Variants in FBN2 observed in about 807,000 individuals in gnomAD.
FBN2 encodes fibrillin 2.
Under a neutral mutation model 355.6 loss-of-function variants are expected in FBN2, and 105 were observed. That is an observed-to-expected ratio of 0.30 (90% CI 0.25 to 0.35). FBN2 has a LOEUF of 0.35. Among genes scored for constraint, FBN2 ranks in the 10% least tolerant of loss-of-function variants. The pLI, the probability that FBN2 is intolerant of heterozygous loss-of-function variation, is 1.00. For missense variants in FBN2, 3,280 were observed against 3,758.7 expected, an observed-to-expected ratio of 0.87 and a Z score of 3.33; for synonymous variants, 1,350 against 1,301.2, an observed-to-expected ratio of 1.04 and a Z score of -0.81.
rs566011724 is a variant in FBN2 at position 128,345,114 on chromosome 5, C to T, written c.3217+243G>A. Among the ~76,000 whole-genome samples, 10 of 152,346 alleles carry T rather than the reference C, an allele frequency of 6.6e-5. 1 individual carries two copies. The South Asian group carries it at 2.1e-3, about 32-fold the overall frequency. ...GCTACAGATGTAGCTATCAGGGCGA[C>T]ATCTCCGGTTGCAGAGGAACAAAGA... On this transcript the variant is annotated intron_variant, in intron 24 of 64. Transcript: ENST00000262464.
chr5:128,298,476 A>G (rs1284660739), intron 48 of FBN2, among the ~76,000 whole-genome samples: 13 of 150,584 alleles, frequency 8.6e-5, no homozygotes, highest in Admixed American at 2.7e-4. Flanking sequence ...AGGTACACCA[A>G]TCAGACGTAG....
At chr5:128,313,866 A>C (rs1451383111) in intron 36 of FBN2, among the ~76,000 whole-genome samples, 4 of 151,424 alleles carry the variant, frequency 2.6e-5, no homozygotes, top group East Asian at 3.9e-4. Context: ...AAAAAAAAAA[A>C]AAAAAAAAAA....
chr5:128,477,924 G>A (rs543825295), intron 5 of FBN2, among the ~76,000 whole-genome samples: 3 of 152,272 alleles, frequency 2.0e-5, no homozygotes, highest in African/African-American at 7.2e-5. Flanking sequence ...GTTTTATTCA[G>A]TTGATAAATT....
intron 7 of FBN2, among the ~76,000 whole-genome samples, chr5:128,428,715 A>G (rs769411355): frequency 1.3e-5 from 2 of 152,202 alleles, no homozygotes; most frequent in Non-Finnish European, 2.9e-5. Flanking sequence ...TATAATGTAG[A>G]CTTTATGAAA....
intron 4 of FBN2, among the ~76,000 whole-genome samples, chr5:128,525,931 A>G (rs183067763): frequency 3.9e-5 from 6 of 152,292 alleles, no homozygotes; most frequent in South Asian, 2.1e-4. Flanking sequence ...CATATTATCT[A>G]TGGTCACTTC....
chr5:128,377,464 C>T (rs537199846), intron 13 of FBN2, among the ~76,000 whole-genome samples: 6 of 151,776 alleles, frequency 4.0e-5, no homozygotes, highest in African/African-American at 1.2e-4. Flanking sequence ...AGAATAACTG[C>T]GACTTACAAT....
intron 6 of FBN2, among the ~76,000 whole-genome samples, chr5:128,463,725 T>C (rs977379334): frequency 6.6e-6 from 1 of 152,182 alleles, no homozygotes; most frequent in African/African-American, 2.4e-5. Context: ...CCAGGCTTGC[T>C]ACAATGTAAG....
At chr5:128,261,534 T>C (rs1249870230) in intron 64 of FBN2, among the ~76,000 whole-genome samples, 1 of 152,250 alleles carries the variant, frequency 6.6e-6, no homozygotes, top group Non-Finnish European at 1.5e-5. Context: ...AATCTTAAAG[T>C]CTTTTCTCCC....
intron 7 of FBN2, among the ~76,000 whole-genome samples, chr5:128,411,432 G>C (rs1347981442): frequency 6.6e-6 from 1 of 152,194 alleles, no homozygotes; most frequent in African/African-American, 2.4e-5. Context: ...GTGGGATGGG[G>C]AGGTGGAAAG....
chr5:128,383,296 A>ATT (rs1752281591), intron 11 of FBN2, among the ~76,000 whole-genome samples: 2 of 152,056 alleles, frequency 1.3e-5, no homozygotes, highest in Admixed American at 6.6e-5. Context: ...ATACTACAAA[A>ATT]AATAAACTTC....
chr5:128,456,012 A>AC lies in FBN2; in HGVS notation c.826+8711_826+8712insG, dbSNP rs1203918216. On this transcript the variant is annotated intron_variant, in intron 6 of 64. Transcript: ENST00000262464. ...CAACAAAAAAAAAAAAAAAAAAAAA[A>AC]AAAAAAAAAAAGCAACTGCTGAACA... Among the ~76,000 whole-genome samples the AC allele has an allele frequency of 3.4e-5, 5 of 147,040 alleles. No homozygotes were observed. In the South Asian group the frequency reaches 8.8e-4, roughly 26 times the overall value.
chr5:128,489,115 C>A (rs1264230967), intron 5 of FBN2, among the ~76,000 whole-genome samples: 1 of 125,130 alleles, frequency 8.0e-6, no homozygotes, highest in Admixed American at 7.2e-5. Flanking sequence ...ACAGTCCCAC[C>A]AACAGTGTAA....
chr5:128,312,541 C>T (rs1009357522), intron 37 of FBN2, 93 bp downstream of exon 37: 3 of 1,442,286 alleles, frequency 2.1e-6, no homozygotes, highest in Non-Finnish European at 2.9e-6. Flanking sequence ...TTTGTCCTCA[C>T]TAAACACTCC....
intron 5 of FBN2, among the ~76,000 whole-genome samples, chr5:128,510,488 C>T (rs1241722775): frequency 6.6e-6 from 1 of 152,128 alleles, no homozygotes; most frequent in African/African-American, 2.4e-5. Context: ...GCTTAGTGTC[C>T]AATATCATGA....
intron 11 of FBN2, among the ~76,000 whole-genome samples, chr5:128,380,192 G>C (rs548610793): frequency 6.6e-6 from 1 of 152,018 alleles, no homozygotes; most frequent in Non-Finnish European, 1.5e-5. Flanking sequence ...CCAAAGGAAC[G>C]AAGCAAAATG....
intron 6 of FBN2, among the ~76,000 whole-genome samples, chr5:128,461,711 T>C (rs962433589): frequency 1.3e-5 from 2 of 152,166 alleles, no homozygotes; most frequent in Admixed American, 6.5e-5. Flanking sequence ...GGGACATGTA[T>C]GAAGCTGGAA....
At chr5:128,449,367 T>C (rs1181635795) in intron 6 of FBN2, among the ~76,000 whole-genome samples, 1 of 134,742 alleles carries the variant, frequency 7.4e-6, no homozygotes, top group Non-Finnish European at 1.6e-5. Flanking sequence ...TAGTATACTG[T>C]ATAATTTATA....
chr5:128,302,150 G>C (rs939783500), intron 46 of FBN2, among the ~76,000 whole-genome samples: 3 of 152,116 alleles, frequency 2.0e-5, no homozygotes, highest in Admixed American at 6.6e-5. Context: ...GAAAAATAAA[G>C]AAAACAGAGA....
chr5:128,318,160 A>C lies in FBN2; in HGVS notation c.4706T>G (p.Val1569Gly). The C allele has an allele frequency of 6.2e-7, 1 of 1,614,124 alleles. No homozygotes were observed. Among genetic ancestry groups the C allele is most frequent in the Non-Finnish European group, 8.5e-7 (1 of 1,179,954 alleles). The change falls in exon 36 of 65, where the codon GTG becomes GGG. Residue 1569 changes from valine to glycine, a missense_variant. Coordinates refer to ENST00000262464, the MANE Select transcript of FBN2 (RefSeq NM_001999.4). Reference sequence around the variant, plus strand: ...ATAGCTTTACTTACCAACACAACCCACACCAGTTGGGTTCAACTGAAAATC... The same window carrying C: ...ATAGCTTTACTTACCAACACAACCCCCACCAGTTGGGTTCAACTGAAAATC... ...PPDFQLNPTGVGCVDNRVGNC... is the reference protein window; with the variant it reads ...PPDFQLNPTGGGCVDNRVGNC...
Sources: gnomAD v4.1 joint callset for allele counts (sites outside exome capture counted in the v4.1 genomes callset) on GRCh38, gnomAD v4.1.1 for gene constraint, MANE v1.5 for transcripts, NCBI Gene and HGNC (gene_info 2026-07-23, HGNC 2026-07-21) for gene names.